NPC1L1: variants seen among roughly 807,000 people sequenced by gnomAD.
The protein encoded by NPC1L1 is NPC1-like intracellular cholesterol transporter 1.
A neutral mutation model predicts 117.0 loss-of-function variants in NPC1L1; 98 were observed. The ratio of observed to expected loss-of-function variants is 0.84; its 90% CI spans 0.71 to 0.99. The LOEUF (loss-of-function observed/expected upper bound fraction) is 0.99. Ranked by LOEUF, NPC1L1 falls within the 50% of genes least tolerant of loss-of-function variation. The probability of loss-of-function intolerance (pLI) is 0.00; values close to 1 mark genes in which losing one functional copy is unlikely to be tolerated. For synonymous variants in NPC1L1, 729 were observed against 727.6 expected, an observed-to-expected ratio of 1.00 and a Z score of -0.03; for missense variants, 1,540 against 1,710.0, an observed-to-expected ratio of 0.90 and a Z score of 1.75.
chr7:44,531,836 C>T lies in NPC1L1; in HGVS notation c.2556G>A (p.Leu852=), dbSNP rs775781808. The T allele has an allele frequency of 3.8e-6, 6 of 1,583,012 alleles. No homozygotes were observed. In the South Asian group the frequency reaches 4.6e-5, roughly 12 times the overall value. The part of the protein sequence containing the change: ...HWITRGVVLL[L]FLALFGVSLY... ...GGCTCACTCCGAACAGGGCGAGAAA[C>T]AGCAGCAGCTGAGAAGGGACCTGCT... The change falls in exon 10 of 19, where the codon CTG becomes CTA. Residue 852 remains leucine (L), a synonymous_variant. Coordinates refer to ENST00000381160, the MANE Select transcript of NPC1L1 (RefSeq NM_001101648.2).
chr7:44,531,121 T>C (rs1447080775), intron 10 of NPC1L1, among the ~76,000 whole-genome samples: 1 of 152,216 alleles, frequency 6.6e-6, no homozygotes, highest in Non-Finnish European at 1.5e-5. Flanking sequence ...CACCAGCCCA[T>C]GGCCACCGCT....
At position 44,533,549 on chromosome 7, in the gene NPC1L1, G is replaced by A; in HGVS notation, c.2291C>T (p.Thr764Ile). 1 of 1,614,200 alleles carries A rather than the reference G, an allele frequency of 6.2e-7. No individual in the cohort carries two copies. Among genetic ancestry groups the A allele is most frequent in the Admixed American group, 1.7e-5 (1 of 60,030 alleles). Residue 764 changes from threonine (T) to isoleucine (I), a missense_variant, in exon 8 of 19, where the codon ACC (threonine) becomes ATC (isoleucine). Physicochemically the swap from Thr to Ile is moderately conservative, Grantham distance 89. Coordinates refer to ENST00000381160, the MANE Select transcript of NPC1L1 (RefSeq NM_001101648.2). ...EAICFFLGAL[T>I]PMPAVRTFAL... is the part of the protein sequence containing the mutation. ...AAAGGTCCGCACAGCTGGCATGGGG[G>A]TCAGGGCCCCTGTGAGGGAGCAGAG...
chr7:44,532,264 C>G (rs1801730014), intron 8 of NPC1L1, 47 bp from the exon 9 acceptor site: 1 of 1,610,848 alleles, frequency 6.2e-7, no homozygotes. Context: ...GCAGACAAGG[C>G]CCCAGGGACC....
At chr7:44,526,297 C>T (rs181890594) in intron 10 of NPC1L1, among the ~76,000 whole-genome samples, 1 of 151,734 alleles carries the variant, frequency 6.6e-6, no homozygotes, top group East Asian at 1.9e-4. Flanking sequence ...GCCTGTAATC[C>T]CAGCACTTTG....
rs143499989 is a variant in NPC1L1 at position 44,521,719 on chromosome 7, C to T, written c.2946G>A (p.Ser982=). ...SGPNKDKFCP[S]TVNSLNCLKN... ...CCATGGCCCCACACTCACTGACGGT[C>T]GAGGGGCAGAACTTGTCCTTATTGG... Residue 982 remains serine, a synonymous_variant, in exon 12 of 19, where the codon TCG becomes TCA. Transcript: ENST00000381160. 155 of 1,614,028 alleles carry T rather than the reference C, an allele frequency of 9.6e-5. 1 individual carries two copies. In the African/African-American group the frequency reaches 1.7e-3, roughly 18 times the overall value.
At position 44,536,145 on chromosome 7, in the gene NPC1L1, A is replaced by T. The variant is rs1801881882; in HGVS notation, c.1854+111T>A. 3 of 1,556,282 alleles carry T rather than the reference A, an allele frequency of 1.9e-6. No individual in the cohort carries two copies. Among genetic ancestry groups the T allele is most frequent in the South Asian group, 2.2e-5 (2 of 89,496 alleles). On this transcript the variant is annotated intron_variant, in intron 4 of 18. Transcript: ENST00000381160. This position sits in a 1 kb window ranked among gnomAD's most constrained non-coding sequence, Gnocchi z 4.7. ...CACAATCACCCCGTTCTGAGCAGGC[A>T]GCCACTGCCCAGGGTCACTTAGGAA...
At chr7:44,522,562 A>C (rs1330529780) in intron 10 of NPC1L1, among the ~76,000 whole-genome samples, 1 of 152,216 alleles carries the variant, frequency 6.6e-6, no homozygotes, top group East Asian at 1.9e-4. Context: ...AGGTACATAT[A>C]GAGAAGGACA....
At position 44,516,762 on chromosome 7, in the gene NPC1L1, C is replaced by A. The variant is rs370523161; in HGVS notation, c.3460G>T (p.Gly1154Cys). The A allele has an allele frequency of 3.7e-6, 6 of 1,613,716 alleles. No homozygotes were observed. The highest frequency in any genetic ancestry group is 5.1e-6 in the Non-Finnish European group (6 of 1,179,902). Residue 1154 changes from glycine (G) to cysteine (C), a missense_variant, in exon 16 of 19, where the codon GGC becomes TGC. Physicochemically the swap from Gly to Cys is radical, Grantham distance 159. Transcript: ENST00000381160. ...SIVMILVDTV[G>C]FMALWGISYN... The stretch of plus-strand genomic sequence containing the variant: ...CTGATGCCCCACAGGGCCATGAAGC[C>A]GACAGTGTCCACGAGGATCATGACA...
intron 14 of NPC1L1, among the ~76,000 whole-genome samples, chr7:44,519,782 A>G (rs553626535): frequency 6.6e-6 from 1 of 151,054 alleles, no homozygotes; most frequent in Non-Finnish European, 1.5e-5. Flanking sequence ...CTGTCAGTCC[A>G]ACTGCATCTC....
chr7:44,536,477 C>A lies in NPC1L1; in HGVS notation c.1682-49G>T, dbSNP rs765412909. The A allele has an allele frequency of 1.3e-6, 2 of 1,590,902 alleles. No homozygotes were observed. Among genetic ancestry groups the A allele is most frequent in the Admixed American group, 3.3e-5 (2 of 59,930 alleles). Reference sequence around the variant, plus strand: ...CTTCCTGCTGCACCCGTGCCTCCCTCCCCCTCCAGCTGCACCCCTATATTC... The same window carrying A: ...CTTCCTGCTGCACCCGTGCCTCCCTACCCCTCCAGCTGCACCCCTATATTC... On this transcript the variant is annotated intron_variant, in intron 3 of 18. Coordinates refer to ENST00000381160, the MANE Select transcript of NPC1L1 (RefSeq NM_001101648.2). This position sits in a 1 kb window ranked among gnomAD's most constrained non-coding sequence, Gnocchi z 4.7.
Position 44,534,715 on chromosome 7 carries a change from C to G in NPC1L1, c.1984-86G>C. On this transcript the variant is annotated intron_variant, in intron 5 of 18. Coordinates refer to ENST00000381160, the MANE Select transcript of NPC1L1 (RefSeq NM_001101648.2). The surrounding 1 kb of genome is among the most constrained non-coding windows in gnomAD (Gnocchi z 5.2). ...CCTCAGCTAGGCCAGACAAAGTAGC[C>G]GGCAGGCACCCTCAGTGCCTGCAGG... The G allele has an allele frequency of 2.0e-6, 3 of 1,464,018 alleles. No individual in the cohort carries two copies. Among genetic ancestry groups the G allele is most frequent in the Non-Finnish European group, 2.8e-6 (3 of 1,057,256 alleles). 90.7% of individuals were successfully genotyped at this position (1,464,018 alleles called of 1,614,324 possible). A position where few individuals can be genotyped will look rare whatever the true frequency, so the allele number is the denominator to read the frequency against.
chr7:44,521,247 G>A lies in NPC1L1; in HGVS notation c.2954-129C>T. On this transcript the variant is annotated intron_variant, in intron 12 of 18. Coordinates refer to ENST00000381160, the MANE Select transcript of NPC1L1 (RefSeq NM_001101648.2). Reference sequence around the variant, plus strand: ...AGCCTCAACCAGTCGCTTCTAGGGGGATTTGCATTTGTCATTTGTGGGAGA... The same window carrying A: ...AGCCTCAACCAGTCGCTTCTAGGGGAATTTGCATTTGTCATTTGTGGGAGA... 7.2e-6 allele frequency: 9 copies of A among 1,258,430 alleles called. No individual in the cohort carries two copies. The South Asian group carries it at 7.3e-5, about 10-fold the overall frequency. The allele number at this position is 1,258,430 out of a possible 1,614,324, so 78.0% of individuals were successfully genotyped here. A position where few individuals can be genotyped will look rare whatever the true frequency, so the allele number is the denominator to read the frequency against.
chr7:44,527,192 C>A (rs1385320254), intron 10 of NPC1L1, among the ~76,000 whole-genome samples: 1 of 152,044 alleles, frequency 6.6e-6, no homozygotes, highest in Non-Finnish European at 1.5e-5. Context: ...GGCATGGTGG[C>A]TCATGCCTGT....
intron 8 of NPC1L1, 33 bp downstream of exon 8, chr7:44,533,398 C>A (rs1221673150): frequency 6.2e-7 from 1 of 1,612,760 alleles, no homozygotes; most frequent in Admixed American, 1.7e-5. Flanking sequence ...AACCCAGGGG[C>A]AGGTCCCTCA....
Position 44,536,125 on chromosome 7 carries a change from T to C in NPC1L1, c.1854+131A>G. On this transcript the variant is annotated intron_variant, in intron 4 of 18. Transcript: ENST00000381160. This position sits in a 1 kb window ranked among gnomAD's most constrained non-coding sequence, Gnocchi z 4.7. Reference sequence around the variant, plus strand: ...GAGGCTATAAGAACAGCCATCACAATCACCCCGTTCTGAGCAGGCAGCCAC... The same window carrying C: ...GAGGCTATAAGAACAGCCATCACAACCACCCCGTTCTGAGCAGGCAGCCAC... The C allele has an allele frequency of 6.5e-7, 1 of 1,537,060 alleles. No individual in the cohort carries two copies. The highest frequency in any genetic ancestry group is 9.0e-7 in the Non-Finnish European group (1 of 1,113,674).
In NPC1L1 at chr7:44,513,317, G is replaced by A. The variant is rs217436; in HGVS notation, c.*130C>T. 6,465 of 863,020 alleles carry A rather than the reference G, an allele frequency of 7.5e-3. 268 individuals carry two copies. The African/African-American group carries it at 0.094, about 13-fold the overall frequency. The allele number at this position is 863,020 out of a possible 1,614,324, so 53.5% of individuals were successfully genotyped here. ...CCTCAAGAGCAGGCCATCCTCCAGT[G>A]ACAGGCAGTCTCATGGGAATGGCCT... On this transcript the variant is annotated 3_prime_UTR_variant, in exon 19 of 19. Coordinates refer to ENST00000381160, the MANE Select transcript of NPC1L1 (RefSeq NM_001101648.2).
intron 9 of NPC1L1, 114 bp downstream of exon 9, chr7:44,531,966 G>C (rs891520480): frequency 1.3e-6 from 2 of 1,547,062 alleles, no homozygotes; most frequent in Admixed American, 1.8e-5. Flanking sequence ...TTGCGTGCCA[G>C]CCCCAAGTAT....
chr7:44,537,062 G>C, intron 2 of NPC1L1, 120 bp from the exon 3 acceptor site: 1 of 760,818 alleles, frequency 1.3e-6, no homozygotes, highest in South Asian at 1.9e-5. Context: ...TGGTGGGGTG[G>C]GGGACACTGG....
rs377514672 is a variant in NPC1L1, at chr7:44,536,357, G to C, written c.1753C>G (p.Arg585Gly). The part of the protein sequence containing the change: ...SLNNYPAGDP[R>G]LAQAKLWEEA... ...TCCCACAGCTTGGCCTGGGCCAGAC[G>C]GGGGTCCCCGGCAGGGTAATTGTTG... Residue 585 changes from arginine to glycine, a missense_variant, in exon 4 of 19, where the codon CGT becomes GGT. Transcript: ENST00000381160. The surrounding 1 kb of genome is among the most constrained non-coding windows in gnomAD (Gnocchi z 4.7). The C allele has an allele frequency of 5.8e-5, 94 of 1,614,066 alleles. No homozygotes were observed. The highest frequency in any genetic ancestry group is 7.5e-5 in the Non-Finnish European group (89 of 1,180,036).
Sources: allele counts gnomAD v4.1 joint callset (sites outside exome capture counted in the v4.1 genomes callset), GRCh38; gene constraint gnomAD v4.1.1; non-coding constraint Gnocchi (gnomAD v3.1); transcripts MANE v1.5; gene names NCBI Gene and HGNC (gene_info 2026-07-23, HGNC 2026-07-21).